The following SUN3 variants were observed in gnomAD, a reference collection of about 807,000 sequenced individuals.
SUN3 encodes the protein SUN domain-containing protein 3.
In SUN3, 36 loss-of-function variants were observed where a neutral mutation model predicts 48.2. That is an observed-to-expected ratio of 0.75 (90% confidence interval 0.57 to 0.99). SUN3 has a LOEUF of 0.99. SUN3 is among the 50% of genes least tolerant of loss of function. SUN3 has a pLI of 0.00. For synonymous variants in SUN3, 148 were observed against 147.9 expected (o/e 1.00, Z 0.00); for missense variants, 419 against 433.1 (o/e 0.97, Z 0.29).
intron 6 of SUN3, 28 bp from the exon 7 acceptor site, chr7:47,996,174 A>G (rs1789205833): frequency 7.7e-7 from 1 of 1,300,902 alleles, no homozygotes; most frequent in African/African-American, 1.5e-5. Context: ...GTTGTAAAAT[A>G]AAGAAACAAC....
chr7:48,006,452 A>G (rs546348745), intron 5 of SUN3, among the ~76,000 whole-genome samples: 2 of 152,290 alleles, frequency 1.3e-5, no homozygotes, highest in South Asian at 4.1e-4. Context: ...TTATTTGGGA[A>G]TCAAGGCAGT....
chr7:47,995,531 T>G (rs1041339750), intron 7 of SUN3, among the ~76,000 whole-genome samples: 2 of 152,254 alleles, frequency 1.3e-5, no homozygotes, highest in African/African-American at 2.4e-5. Flanking sequence ...GGTGCTCTGC[T>G]GTCTATTGAT....
In SUN3 at chr7:48,003,803, C is replaced by T. The variant is rs112369185; in HGVS notation, c.577+2166G>A. ...GTTGTTTATCAGCTTAAGAAGCTTT[C>T]GGGCTGAGACTATGGGGTTTTCTAG... On this transcript the variant is annotated intron_variant, in intron 6 of 9. Transcript: ENST00000297325. 1.6e-4 allele frequency among the ~76,000 whole-genome samples: 24 copies of T among 152,192 alleles called. 1 individual carries two copies. Among genetic ancestry groups the T allele is most frequent in the African/African-American group, 5.5e-4 (23 of 41,536 alleles).
In SUN3 at chr7:47,987,375, AC is replaced by A; in HGVS notation, c.1028del (p.Cys343PhefsTer61). ...FSNWGHPKYTCLYRFRVHGTP... is the reference protein window; with the variant it reads ...FSNWGHPKYTXLYRFRVHGTP... ...TGCCATGGACCCTGAATCGATATAA[AC>A]AAGTATACTTCGGGTGTCCCCAGTT... On this transcript the variant is annotated frameshift_variant, in exon 10 of 10. Transcript: ENST00000297325. LOFTEE classifies it high-confidence loss of function. 3.1e-6 allele frequency: 5 copies of A among 1,612,162 alleles called. No homozygotes were observed. Among genetic ancestry groups the A allele is most frequent in the Non-Finnish European group, 4.2e-6 (5 of 1,178,810 alleles).
upstream of SUN3, among the ~76,000 whole-genome samples, chr7:48,029,923 T>C (rs1347695772): frequency 6.6e-6 from 1 of 152,254 alleles, no homozygotes; most frequent in African/African-American, 2.4e-5. Context: ...AGATTTTCTG[T>C]TTATCCATAT....
At chr7:48,028,295 A>G (rs1476291075) in intron 1 of SUN3, among the ~76,000 whole-genome samples, 1 of 151,966 alleles carries the variant, frequency 6.6e-6, no homozygotes, top group Non-Finnish European at 1.5e-5. Context: ...ATTCCCTGCT[A>G]TAATAATCCC....
At chr7:48,035,335 T>TCGCTG in the SUN3 span, among the ~76,000 whole-genome samples, 18 of 150,788 alleles carry the variant, frequency 1.2e-4, no homozygotes, top group African/African-American at 3.9e-4. The surrounding 1 kb of genome is among the most constrained non-coding windows in gnomAD (Gnocchi z 4.0). Context: ...CCCCGTGGCA[T>TCGCTG]CGCTGCGCTG....
Position 48,029,080 on chromosome 7 carries a change from C to G in SUN3, c.-142G>C. The G allele has an allele frequency of 8.2e-7, 1 of 1,219,910 alleles. No homozygotes were observed. Among genetic ancestry groups the G allele is most frequent in the Non-Finnish European group, 1.1e-6 (1 of 885,278 alleles). 75.6% of individuals were successfully genotyped at this position (1,219,910 alleles called of 1,614,324 possible). A position where few individuals can be genotyped will look rare whatever the true frequency, so the allele number is the denominator to read the frequency against. ...TCTTCTTCCTCCACGGGTGTTTCTT[C>G]TTGAAGACGGAATTTTGAAAAGCTT... On this transcript the variant is annotated 5_prime_UTR_variant, in exon 1 of 10. Coordinates refer to ENST00000297325, the MANE Select transcript of SUN3 (RefSeq NM_001030019.2).
At chr7:48,034,088 A>T (rs1051254643), upstream of SUN3, among the ~76,000 whole-genome samples, 1 of 152,190 alleles carries the variant, frequency 6.6e-6, no homozygotes, top group Non-Finnish European at 1.5e-5. Context: ...TCTCTTGACC[A>T]TACAATCCCG....
At chr7:48,007,424 T>C (rs1055512161) in intron 4 of SUN3, 97 bp from the exon 5 acceptor site, 1 of 1,136,778 alleles carries the variant, frequency 8.8e-7, no homozygotes, top group Admixed American at 2.2e-5. Context: ...AGGTGCTTTA[T>C]ATTGTTGAAG....
chr7:48,026,359 T>C (rs762403518), intron 1 of SUN3, among the ~76,000 whole-genome samples: 4 of 152,170 alleles, frequency 2.6e-5, no homozygotes, highest in African/African-American at 4.8e-5. Context: ...TAAAGAACTA[T>C]GACAGTTAAG....
chr7:47,996,758 T>C (rs1460209007), intron 6 of SUN3, among the ~76,000 whole-genome samples: 1 of 152,024 alleles, frequency 6.6e-6, no homozygotes, highest in Non-Finnish European at 1.5e-5. Flanking sequence ...TAAAAATACA[T>C]GTGCCTCATC....
chr7:47,989,055 A>C (rs1480630267), intron 8 of SUN3, 175 bp from the exon 9 acceptor site: 1 of 448,146 alleles, frequency 2.2e-6, no homozygotes, highest in Admixed American at 3.9e-5. Context: ...AATGAGGCCC[A>C]AGGCTGATCA....
rs1439545632 is a variant in SUN3, at chr7:48,017,277, C to T, written c.273G>A (p.Arg91=). Residue 91 remains arginine, a synonymous_variant, in exon 3 of 10, where the codon AGG becomes AGA. Coordinates refer to ENST00000297325, the MANE Select transcript of SUN3 (RefSeq NM_001030019.2). The part of the protein sequence containing the change: ...LYAIIAEYGS[R]LYKYQARLRM... ...AAAATATCACCTGATATTTATAAAG[C>T]CTTGAACCATATTCTGCAATTATGG... 10 of 1,588,502 alleles carry T rather than the reference C, an allele frequency of 6.3e-6. No individual in the cohort carries two copies. The highest frequency in any genetic ancestry group is 2.3e-5 in the South Asian group (2 of 88,752).
chr7:48,034,736 C>G, the SUN3 span, among the ~76,000 whole-genome samples: 1 of 152,174 alleles, frequency 6.6e-6, no homozygotes, highest in Non-Finnish European at 1.5e-5. Context: ...GTAATATACT[C>G]ATTGTACTTT....
At chr7:48,031,075 G>C (rs1790250453), upstream of SUN3, among the ~76,000 whole-genome samples, 1 of 152,176 alleles carries the variant, frequency 6.6e-6, no homozygotes, top group Admixed American at 6.5e-5. Flanking sequence ...CATTGGTCTT[G>C]ACAATGACTT....
intron 3 of SUN3, among the ~76,000 whole-genome samples, chr7:48,009,325 T>C (rs913033282): frequency 2.0e-5 from 3 of 152,094 alleles, no homozygotes; most frequent in African/African-American, 7.2e-5. Context: ...AGCTCTTGGA[T>C]GGGCACATCA....
chr7:48,035,068 GT>G, the SUN3 span, among the ~76,000 whole-genome samples: 3 of 152,058 alleles, frequency 2.0e-5, no homozygotes, highest in African/African-American at 7.2e-5. The surrounding 1 kb of genome is among the most constrained non-coding windows in gnomAD (Gnocchi z 4.0). Flanking sequence ...TTCTTTTTAT[GT>G]TTTATTTTTG....
chr7:47,999,525 T>C (rs1176122636), intron 6 of SUN3, among the ~76,000 whole-genome samples: 14 of 152,164 alleles, frequency 9.2e-5, no homozygotes, highest in Admixed American at 9.2e-4. Flanking sequence ...TTAGTTGAAA[T>C]TTTTTATTTA....
Sources: allele counts gnomAD v4.1 joint callset (sites outside exome capture counted in the v4.1 genomes callset), GRCh38; gene constraint gnomAD v4.1.1; non-coding constraint Gnocchi (gnomAD v3.1); transcripts MANE v1.5; gene names NCBI Gene and HGNC (gene_info 2026-07-23, HGNC 2026-07-21).